The following HTRA4 variants were observed in gnomAD, a reference collection of about 807,000 sequenced individuals.
HTRA4 encodes serine protease HTRA4.
HTRA4 carries 46 observed loss-of-function variants against 49.1 expected under a neutral mutation model. The observed-to-expected ratio is 0.94, with a 90% confidence interval of 0.74 to 1.20. The LOEUF is 1.20. Ranked by LOEUF, HTRA4 falls within the 50% of genes most tolerant of loss-of-function variation. HTRA4 has a pLI of 0.00. For synonymous variants in HTRA4, 261 were observed against 264.0 expected, an observed-to-expected ratio of 0.99 and a Z score of 0.11; for missense variants, 602 against 636.9, an observed-to-expected ratio of 0.95 and a Z score of 0.59.
At chr8:38,977,424 A>G (rs12680151) in intron 3 of HTRA4, among the ~76,000 whole-genome samples, 19,212 of 152,184 alleles carry the variant, frequency 0.13, 1,497 homozygotes, top group Middle Eastern at 0.31. Context: ...TGCACATCAC[A>G]TATATTGACA....
chr8:38,981,071 T>TAG (rs1488297088), intron 5 of HTRA4, among the ~76,000 whole-genome samples: 1 of 94,968 alleles, frequency 1.1e-5, no homozygotes, highest in South Asian at 3.4e-4. Flanking sequence ...AAGTTTTTTT[T>TAG]TTTTTTTTTT....
intron 6 of HTRA4, 61 bp from the exon 7 acceptor site, chr8:38,982,437 T>C (rs1010822790): frequency 2.1e-5 from 30 of 1,453,116 alleles, no homozygotes; most frequent in Non-Finnish European, 2.5e-5. Flanking sequence ...CATGGGTGTC[T>C]TTTAAGCTGC....
chr8:38,985,743 T>C (rs896236496), intron 8 of HTRA4, among the ~76,000 whole-genome samples: 1 of 152,238 alleles, frequency 6.6e-6, no homozygotes, highest in Non-Finnish European at 1.5e-5. Flanking sequence ...GAATGTGGTC[T>C]GTAGACCAGC....
In HTRA4 at chr8:38,974,471, C is replaced by A. The variant is rs749398598; in HGVS notation, c.208C>A (p.Arg70Ser). ...TPVFDLCRCC[R>S]VCPAAEREVC... ...GGTGTTCGACCTGTGCCGCTGTTGC[C>A]GCGTCTGCCCCGCGGCCGAGCGTGA... The change falls in exon 1 of 9, where the codon CGC becomes AGC. Residue 70 changes from arginine to serine, a missense_variant. By Grantham distance (110) the Arg-to-Ser change is moderately radical. Transcript: ENST00000302495. 2 of 1,528,244 alleles carry A rather than the reference C, an allele frequency of 1.3e-6. No homozygotes were observed. Among genetic ancestry groups the A allele is most frequent in the Non-Finnish European group, 1.7e-6 (2 of 1,143,514 alleles). 94.7% of individuals were successfully genotyped at this position (1,528,244 alleles called of 1,614,324 possible).
At chr8:38,983,954 TAA>T (rs922332030) in intron 8 of HTRA4, among the ~76,000 whole-genome samples, 1 of 152,136 alleles carries the variant, frequency 6.6e-6, no homozygotes, top group Non-Finnish European at 1.5e-5. Context: ...TAATAACTAT[TAA>T]GTGATTAACA....
Position 38,974,306 on chromosome 8 carries a change from C to T in HTRA4, c.43C>T (p.Leu15Phe). 2 of 1,612,918 alleles carry T rather than the reference C, an allele frequency of 1.2e-6. No homozygotes were observed. The highest frequency in any genetic ancestry group is 2.2e-5 in the East Asian group (1 of 44,838). The change falls in exon 1 of 9, where the codon CTC becomes TTC. Residue 15 changes from leucine (L) to phenylalanine (F), a missense_variant. Coordinates refer to ENST00000302495, the MANE Select transcript of HTRA4 (RefSeq NM_153692.4). ...GCGGACCGCGGGGCTGGGACGATGC[C>T]TCCTGCCGGGGCTGCTGCTGCTCCT... ...QLRTAGLGRC[L>F]LPGLLLLLVP... is the part of the protein sequence containing the mutation.
Position 38,988,069 on chromosome 8 carries a change from C to T in HTRA4, c.1402C>T (p.Leu468=). ...TCTTCGGGGAAAAGATAATTTGCTCCTGACAGTCATACCTGAAACAATCAA... is the reference window on the plus strand; with the variant it reads ...TCTTCGGGGAAAAGATAATTTGCTCTTGACAGTCATACCTGAAACAATCAA... The part of the protein sequence containing the change: ...AVLRGKDNLL[L]TVIPETIN The change falls in exon 9 of 9, where the codon CTG becomes TTG. Residue 468 remains leucine, a synonymous_variant. Transcript: ENST00000302495. 1 of 1,607,676 alleles carries T rather than the reference C, an allele frequency of 6.2e-7. No homozygotes were observed. Among genetic ancestry groups the T allele is most frequent in the Non-Finnish European group, 8.5e-7 (1 of 1,177,978 alleles).
chr8:38,983,569 T>G (rs1258012662), intron 8 of HTRA4, among the ~76,000 whole-genome samples: 1 of 151,374 alleles, frequency 6.6e-6, no homozygotes, highest in African/African-American at 2.4e-5. Context: ...ATTGGGGGGG[T>G]GTGTTATTTC....
chr8:38,981,720 A>C lies in HTRA4; in HGVS notation c.1067A>C (p.Asp356Ala), dbSNP rs765301452. The change falls in exon 6 of 9, where the codon GAT (aspartate) becomes GCT (alanine). Residue 356 changes from aspartate to alanine, a missense_variant. By Grantham distance (126) the Asp-to-Ala change is moderately radical. Coordinates refer to ENST00000302495, the MANE Select transcript of HTRA4 (RefSeq NM_153692.4). ...TDGISFAIPS[D>A]RVRQFLAEYH... The stretch of plus-strand genomic sequence containing the variant: ...GGAATCTCCTTTGCAATTCCTTCAG[A>C]TCGAGTTAGGCAGTTCTTGGCAGAA... 1.9e-6 allele frequency: 3 copies of C among 1,613,276 alleles called. No homozygotes were observed. The African/African-American group carries it at 4.0e-5, about 22-fold the overall frequency.
chr8:38,974,455 C>T lies in HTRA4; in HGVS notation c.192C>T (p.Asp64=), dbSNP rs1588288836. The change falls in exon 1 of 9, where the codon GAC becomes GAT. Residue 64 remains aspartate, a synonymous_variant. Transcript: ENST00000302495. ...TCALGTTPVF[D]LCRCCRVCPA... ...CGCTGGGGACCACGCCGGTGTTCGA[C>T]CTGTGCCGCTGTTGCCGCGTCTGCC... 3.2e-6 allele frequency: 5 copies of T among 1,539,810 alleles called. No homozygotes were observed. The highest frequency in any genetic ancestry group is 4.4e-6 in the Non-Finnish European group (5 of 1,147,480).
chr8:38,981,768 G>A lies in HTRA4; in HGVS notation c.1114+1G>A. On this transcript the variant is annotated splice_donor_variant, in intron 6 of 8. Transcript: ENST00000302495. LOFTEE classifies it high-confidence loss of function. ...GAATACCATGAGCACCAGATGAAAG[G>A]TAAAGCAAGTTGGGATTTTTTTTTT... 6.3e-7 allele frequency: 1 copy of A among 1,599,106 alleles called. No homozygotes were observed. Among genetic ancestry groups the A allele is most frequent in the Non-Finnish European group, 8.6e-7 (1 of 1,168,642 alleles).
intron 6 of HTRA4, among the ~76,000 whole-genome samples, chr8:38,982,018 T>A (rs1835430182): frequency 6.6e-6 from 1 of 152,070 alleles, no homozygotes; most frequent in Admixed American, 6.5e-5. Context: ...CAGCTCATTT[T>A]CGTATTTTCA....
Position 38,974,678 on chromosome 8 carries a change from C to T in HTRA4, c.415C>T (p.Leu139=). 1 of 1,402,520 alleles carries T rather than the reference C, an allele frequency of 7.1e-7. No homozygotes were observed. The highest frequency in any genetic ancestry group is 9.2e-7 in the Non-Finnish European group (1 of 1,088,530). The allele number at this position is 1,402,520 out of a possible 1,614,324, so 86.9% of individuals were successfully genotyped here. A position where few individuals can be genotyped will look rare whatever the true frequency, so the allele number is the denominator to read the frequency against. The change falls in exon 1 of 9, where the codon CTG becomes TTG. Residue 139 remains leucine (L), a synonymous_variant. Transcript: ENST00000302495. ...GGCCGAAAACCGCGCCGCGCGCCGC[C>T]TGGGCAAGGTCCCGGCCGTGCCTGT... is the stretch of plus-strand genomic sequence containing the variant. ...LRAENRAARR[L]GKVPAVPVQW...
At chr8:38,985,981 T>C (rs937716479) in intron 8 of HTRA4, among the ~76,000 whole-genome samples, 2 of 152,190 alleles carry the variant, frequency 1.3e-5, no homozygotes, top group African/African-American at 4.8e-5. Flanking sequence ...GAGACCAGCC[T>C]GAGCAACATA....
rs750378717 is a variant in HTRA4 at position 38,975,113 on chromosome 8, CG to C, written c.550del (p.Val184CysfsTer23). 1.2e-6 allele frequency: 2 copies of C among 1,613,744 alleles called. No homozygotes were observed. The highest frequency in any genetic ancestry group is 1.7e-6 in the Non-Finnish European group (2 of 1,180,010). ...VEKVAPSVVHVQLWGRLLHGS... is the reference protein window; with the variant it reads ...VEKVAPSVVHXQLWGRLLHGS... ...AGAAGGTGGCGCCATCGGTGGTTCA[CG>C]TGCAGCTGTGGGGCAGGTAAAGGAG... On this transcript the variant is annotated frameshift_variant, in exon 2 of 9. Transcript: ENST00000302495. LOFTEE classifies it high-confidence loss of function.
At position 38,976,768 on chromosome 8, in the gene HTRA4, T is replaced by C. The variant is rs1479751915; in HGVS notation, c.771+29T>C. On this transcript the variant is annotated intron_variant, in intron 3 of 8. Coordinates refer to ENST00000302495, the MANE Select transcript of HTRA4 (RefSeq NM_153692.4). ...AGTATTTCAGGGCTGAGTCAGAGTCTACATATTTGGGGATTTTTATCTATT... is the reference window on the plus strand; with the variant it reads ...AGTATTTCAGGGCTGAGTCAGAGTCCACATATTTGGGGATTTTTATCTATT... 5 of 1,608,314 alleles carry C rather than the reference T, an allele frequency of 3.1e-6. No individual in the cohort carries two copies. The African/African-American group carries it at 4.0e-5, about 13-fold the overall frequency.
intron 4 of HTRA4, among the ~76,000 whole-genome samples, chr8:38,978,605 G>A (rs1286704195): frequency 6.6e-6 from 1 of 152,148 alleles, no homozygotes; most frequent in Non-Finnish European, 1.5e-5. Flanking sequence ...TGGGAGGAAT[G>A]GAATGCCACT....
Position 38,977,991 on chromosome 8 carries a change from C to A in HTRA4, c.810C>A (p.Asp270Glu), listed in dbSNP as rs558785643. 3.1e-6 allele frequency: 5 copies of A among 1,614,108 alleles called. No homozygotes were observed. In the African/African-American group the frequency reaches 4.0e-5, roughly 13 times the overall value. The change falls in exon 4 of 9, where the codon GAC becomes GAA. Residue 270 changes from aspartate (D) to glutamate (E), a missense_variant. Physicochemically the swap from Asp to Glu is conservative, Grantham distance 45 (BLOSUM62 2). Coordinates refer to ENST00000302495, the MANE Select transcript of HTRA4 (RefSeq NM_153692.4). ...LPVLMLGRSSDLRAGEFVVAL... is the reference protein window; with the variant it reads ...LPVLMLGRSSELRAGEFVVAL... ...TACTGATGCTGGGAAGATCATCTGA[C>A]CTTCGGGCTGGAGAGTTTGTGGTGG... is the stretch of plus-strand genomic sequence containing the variant.
chr8:38,976,322 G>GAATTGCCTGAA (rs11270005), intron 2 of HTRA4, among the ~76,000 whole-genome samples: 2 of 151,896 alleles, frequency 1.3e-5, no homozygotes, highest in South Asian at 2.1e-4. Context: ...TGAGGCAGGA[G>GAATTGCCTGAA]CCTGGGAGGT....
Sources: gnomAD v4.1 joint callset for allele counts (sites outside exome capture counted in the v4.1 genomes callset) on GRCh38, gnomAD v4.1.1 for gene constraint, MANE v1.5 for transcripts, NCBI Gene and HGNC (gene_info 2026-07-23, HGNC 2026-07-21) for gene names.